Variants in SLC9A4 observed in about 807,000 individuals in gnomAD.
SLC9A4 encodes the protein solute carrier family 9 member A4, also known as sodium/hydrogen exchanger 4.
In SLC9A4, 63 loss-of-function variants were observed where a neutral mutation model predicts 67.4. That is an observed-to-expected ratio of 0.93 (90% CI 0.76 to 1.15). The LOEUF is 1.15. SLC9A4 is among the 50% of genes most tolerant of loss of function. The probability of loss-of-function intolerance (pLI) is 0.00; values close to 1 mark genes in which losing one functional copy is unlikely to be tolerated. For missense variants in SLC9A4, 1,089 were observed against 987.7 expected (o/e 1.10, Z -1.38); for synonymous variants, 393 against 367.2 (o/e 1.07, Z -0.80).
intron 2 of SLC9A4, among the ~76,000 whole-genome samples, chr2:102,500,445 A>C (rs781719526): frequency 3.9e-5 from 6 of 152,196 alleles, no homozygotes; most frequent in Admixed American, 6.5e-5. Flanking sequence ...TAGGAGAGTC[A>C]TATAGGAGTC....
chr2:102,482,196 G>C (rs1684479630), intron 2 of SLC9A4, among the ~76,000 whole-genome samples: 1 of 152,142 alleles, frequency 6.6e-6, no homozygotes, highest in African/African-American at 2.4e-5. Context: ...CTCAGAGTCT[G>C]GTCCTCAGGC....
Position 102,508,251 on chromosome 2 carries a change from A to G in SLC9A4, c.1371A>G (p.Leu457=), listed in dbSNP as rs767467866. 3.7e-5 allele frequency: 60 copies of G among 1,613,884 alleles called. No individual in the cohort carries two copies. The highest frequency in any genetic ancestry group is 4.9e-5 in the Non-Finnish European group (58 of 1,179,932). The part of the protein sequence containing the change: ...PRKKMFVTAT[L]VVIYFTVFIQ... ...AGAAAATGTTTGTCACTGCTACTCT[A>G]GTAGTTATATACTTTACTGTATTTA... is the stretch of plus-strand genomic sequence containing the variant. Residue 457 remains leucine, a synonymous_variant, in exon 5 of 12, where the codon CTA becomes CTG. Transcript: ENST00000295269.
chr2:102,520,145 G>A (rs917187166), intron 9 of SLC9A4, among the ~76,000 whole-genome samples, 190 bp downstream of exon 9: 1 of 152,122 alleles, frequency 6.6e-6, no homozygotes, highest in African/African-American at 2.4e-5. Context: ...TGCAAAATTG[G>A]TACCTGTGAC....
intron 8 of SLC9A4, among the ~76,000 whole-genome samples, chr2:102,518,670 T>G (rs1162285577): frequency 6.6e-6 from 1 of 152,228 alleles, no homozygotes; most frequent in Non-Finnish European, 1.5e-5. Context: ...CAAATGTACA[T>G]TACTTTTAAA....
At chr2:102,478,011 C>A (rs895313146) in intron 1 of SLC9A4, among the ~76,000 whole-genome samples, 6 of 152,204 alleles carry the variant, frequency 3.9e-5, no homozygotes, top group Non-Finnish European at 5.9e-5. Flanking sequence ...CCTGGCGGTA[C>A]TTAACATCGT....
chr2:102,499,663 C>G (rs1035739022), intron 2 of SLC9A4, among the ~76,000 whole-genome samples: 1 of 152,180 alleles, frequency 6.6e-6, no homozygotes, highest in African/African-American at 2.4e-5. Flanking sequence ...TTCATCTTCC[C>G]CAGCTTCCTC....
At chr2:102,526,562 T>C (rs977340288) in intron 11 of SLC9A4, among the ~76,000 whole-genome samples, 14 of 152,234 alleles carry the variant, frequency 9.2e-5, no homozygotes, top group African/African-American at 3.4e-4. Context: ...CATGAAATAT[T>C]ATCTTCTTTT....
intron 2 of SLC9A4, among the ~76,000 whole-genome samples, chr2:102,483,168 C>A (rs1297700361): frequency 6.6e-6 from 1 of 152,214 alleles, no homozygotes; most frequent in Non-Finnish European, 1.5e-5. Context: ...GGTAGAGCTG[C>A]TGTTGCGTTG....
In SLC9A4 at chr2:102,532,368, T is replaced by C; in HGVS notation, c.2077T>C (p.Phe693Leu). The C allele has an allele frequency of 6.2e-7, 1 of 1,614,142 alleles. No homozygotes were observed. The highest frequency in any genetic ancestry group is 8.5e-7 in the Non-Finnish European group (1 of 1,180,014). Residue 693 changes from phenylalanine to leucine, a missense_variant, in exon 12 of 12, where the codon TTC becomes CTC. Transcript: ENST00000295269. Reference protein sequence around the residue: ...SSDPGSPSITFSACSRIGSLQ... With the variant: ...SSDPGSPSITLSACSRIGSLQ... Reference sequence around the variant, plus strand: ...TGATCCAGGATCCCCATCCATCACGTTCAGCGCATGCTCTCGGATAGGGTC... The same window carrying C: ...TGATCCAGGATCCCCATCCATCACGCTCAGCGCATGCTCTCGGATAGGGTC...
chr2:102,482,659 A>T (rs1000677731), intron 2 of SLC9A4, among the ~76,000 whole-genome samples: 1 of 152,028 alleles, frequency 6.6e-6, no homozygotes, highest in South Asian at 2.1e-4. Context: ...TTTGGAGGTT[A>T]TTTGGTTACT....
At chr2:102,521,717 A>G (rs1471200303) in intron 9 of SLC9A4, among the ~76,000 whole-genome samples, 3 of 152,198 alleles carry the variant, frequency 2.0e-5, no homozygotes, top group East Asian at 1.9e-4. Context: ...CAGACAATCT[A>G]CATTTTTGAG....
rs149892741 is a variant in SLC9A4, at chr2:102,522,617, GCA to G, written c.1819-2391_1819-2390del. 2.0e-4 allele frequency among the ~76,000 whole-genome samples: 30 copies of G among 150,514 alleles called. No homozygotes were observed. In the South Asian group the frequency reaches 3.6e-3, roughly 18 times the overall value. On this transcript the variant is annotated intron_variant, in intron 9 of 11. Transcript: ENST00000295269. The stretch of plus-strand genomic sequence containing the variant: ...CAATACATTGTATGTATACAAACAT[GCA>G]CACACACACACACACTGAATTCAGT...
At chr2:102,496,781 A>G (rs1684818690) in intron 2 of SLC9A4, among the ~76,000 whole-genome samples, 1 of 152,250 alleles carries the variant, frequency 6.6e-6, no homozygotes. Flanking sequence ...GTGCTTTTAC[A>G]AAAAGAACAG....
At chr2:102,499,688 A>G (rs1302990280) in intron 2 of SLC9A4, among the ~76,000 whole-genome samples, 3 of 152,194 alleles carry the variant, frequency 2.0e-5, no homozygotes, top group Non-Finnish European at 2.9e-5. Flanking sequence ...CCCAGAAAAT[A>G]CACTAGAAAC....
At chr2:102,475,590 A>C (rs1257478943) in intron 1 of SLC9A4, among the ~76,000 whole-genome samples, 2 of 152,238 alleles carry the variant, frequency 1.3e-5, no homozygotes, top group Non-Finnish European at 2.9e-5. Context: ...TATTCATAGA[A>C]CTGTTGGTTT....
chr2:102,530,533 A>T lies in SLC9A4; in HGVS notation c.2039-1797A>T, dbSNP rs181118497. On this transcript the variant is annotated intron_variant, in intron 11 of 11. Coordinates refer to ENST00000295269, the MANE Select transcript of SLC9A4 (RefSeq NM_001011552.4). ...AAGTCACATACCCATGCCTCTTCCTAGAGCTTGGAGTCCACTGTAAAATAA... is the reference window on the plus strand; with the variant it reads ...AAGTCACATACCCATGCCTCTTCCTTGAGCTTGGAGTCCACTGTAAAATAA... 1.9e-3 allele frequency among the ~76,000 whole-genome samples: 282 copies of T among 152,336 alleles called. 1 individual carries two copies. Among genetic ancestry groups the T allele is most frequent in the African/African-American group, 6.4e-3 (265 of 41,584 alleles).
At chr2:102,515,133 T>C (rs1685250078) in intron 8 of SLC9A4, among the ~76,000 whole-genome samples, 1 of 152,006 alleles carries the variant, frequency 6.6e-6, no homozygotes, top group Non-Finnish European at 1.5e-5. Flanking sequence ...ATAAGGAACA[T>C]GGGCCCCCTC....
At chr2:102,488,403 G>T (rs936777429) in intron 2 of SLC9A4, among the ~76,000 whole-genome samples, 1 of 152,110 alleles carries the variant, frequency 6.6e-6, no homozygotes, top group Non-Finnish European at 1.5e-5. Context: ...AGATCCAGGC[G>T]ATGGGTGAGG....
Position 102,483,841 on chromosome 2 carries a change from T to TACACACACACAC in SLC9A4, c.720+4550_720+4551insCACACACACACA, listed in dbSNP as rs34552153. ...ATATATATATATATATATATATATA[T>TACACACACACAC]ACACACACACAATATACACACACAT... On this transcript the variant is annotated intron_variant, in intron 2 of 11. Transcript: ENST00000295269. Among the ~76,000 whole-genome samples the TACACACACACAC allele has an allele frequency of 8.4e-4, 107 of 126,774 alleles. 1 individual carries two copies. The highest frequency in any genetic ancestry group is 3.3e-3 in the African/African-American group (105 of 32,244). The allele number at this position is 126,774 out of a possible 152,430, so 83.2% of individuals were successfully genotyped here. A position where few individuals can be genotyped will look rare whatever the true frequency, so the allele number is the denominator to read the frequency against.
Sources: allele counts gnomAD v4.1 joint callset (sites outside exome capture counted in the v4.1 genomes callset), GRCh38; gene constraint gnomAD v4.1.1; transcripts MANE v1.5; gene names NCBI Gene and HGNC (gene_info 2026-07-23, HGNC 2026-07-21).